The following MAST4 variants were observed in gnomAD, a reference collection of about 807,000 sequenced individuals.
MAST4 encodes microtubule associated serine/threonine kinase family member 4.
MAST4 carries 89 observed loss-of-function variants against 162.7 expected under a neutral mutation model. That is an observed-to-expected ratio of 0.55 (90% CI 0.46 to 0.65). The LOEUF (loss-of-function observed/expected upper bound fraction) is 0.65. Ranked by LOEUF, MAST4 falls within the 30% of genes least tolerant of loss-of-function variation. MAST4 has a pLI of 0.00. For missense variants in MAST4, 3,153 were observed against 3,374.0 expected, an observed-to-expected ratio of 0.93 and a Z score of 1.62; for synonymous variants, 1,479 against 1,361.1, an observed-to-expected ratio of 1.09 and a Z score of -1.91.
At chr5:67,101,262 C>T (rs983416102) in intron 8 of MAST4, among the ~76,000 whole-genome samples, 8 of 152,270 alleles carry the variant, frequency 5.3e-5, no homozygotes, top group East Asian at 3.9e-4. Flanking sequence ...CAGCCTTAGC[C>T]GACTCCATGG....
chr5:66,774,942 A>T (rs1351205403), intron 2 of MAST4, among the ~76,000 whole-genome samples: 1 of 151,694 alleles, frequency 6.6e-6, no homozygotes, highest in East Asian at 1.9e-4. Context: ...GCATGGTATG[A>T]ATGGCAAGTG....
At chr5:67,081,864 G>A (rs558075115) in intron 5 of MAST4, among the ~76,000 whole-genome samples, 48 of 152,222 alleles carry the variant, frequency 3.2e-4, no homozygotes, top group African/African-American at 7.9e-4. Context: ...TACTTGTAAT[G>A]ACATTTTAAA....
At chr5:66,836,714 G>A (rs781517598) in intron 3 of MAST4, among the ~76,000 whole-genome samples, 1 of 152,152 alleles carries the variant, frequency 6.6e-6, no homozygotes, top group Non-Finnish European at 1.5e-5. Flanking sequence ...AATACTGCAT[G>A]TTCTCACTTT....
intron 4 of MAST4, among the ~76,000 whole-genome samples, chr5:66,964,798 G>A (rs1014257642): frequency 1.3e-5 from 2 of 152,130 alleles, no homozygotes; most frequent in Non-Finnish European, 2.9e-5. Context: ...GTGAGACTCC[G>A]TCTCAAAAAA....
At chr5:67,124,840 A>G (rs1768025649) in intron 14 of MAST4, among the ~76,000 whole-genome samples, 1 of 152,248 alleles carries the variant, frequency 6.6e-6, no homozygotes, top group South Asian at 2.1e-4. Flanking sequence ...TTTTTTATAT[A>G]GTGCCACAGA....
At chr5:67,005,353 GA>G (rs1429319261) in intron 4 of MAST4, among the ~76,000 whole-genome samples, 1 of 152,156 alleles carries the variant, frequency 6.6e-6, no homozygotes, top group Non-Finnish European at 1.5e-5. Flanking sequence ...AGGTGGGGGA[GA>G]AAAAGGGAAA....
chr5:66,696,365 A>C (rs951033368), intron 1 of MAST4, among the ~76,000 whole-genome samples: 12 of 152,258 alleles, frequency 7.9e-5, no homozygotes, highest in Admixed American at 4.6e-4. Context: ...TTTAAAAAAA[A>C]AAAAATCTGT....
intron 1 of MAST4, among the ~76,000 whole-genome samples, chr5:66,700,798 T>TACACAC (rs1240400584): frequency 1.5e-5 from 2 of 136,218 alleles, no homozygotes; most frequent in African/African-American, 5.3e-5. Flanking sequence ...TATATATATA[T>TACACAC]ATACACACAC....
intron 3 of MAST4, among the ~76,000 whole-genome samples, chr5:66,851,909 G>A (rs1185835787): frequency 6.6e-6 from 1 of 152,072 alleles, no homozygotes; most frequent in Non-Finnish European, 1.5e-5. Flanking sequence ...GGTTCCTTTA[G>A]TTTGATCCCC....
intron 3 of MAST4, among the ~76,000 whole-genome samples, chr5:66,862,698 C>A (rs1760207195): frequency 6.6e-6 from 1 of 152,080 alleles, no homozygotes; most frequent in Non-Finnish European, 1.5e-5. Context: ...GACATGAGCC[C>A]AATAATTGAA....
At chr5:66,865,466 A>G (rs970277572) in intron 3 of MAST4, among the ~76,000 whole-genome samples, 1 of 152,250 alleles carries the variant, frequency 6.6e-6, no homozygotes, top group Non-Finnish European at 1.5e-5. Flanking sequence ...AAAAATGCAT[A>G]TTACAAAGAC....
intron 1 of MAST4, among the ~76,000 whole-genome samples, chr5:66,644,747 GTTTTTTT>G: frequency 7.3e-6 from 1 of 137,764 alleles, no homozygotes; most frequent in South Asian, 2.3e-4. Flanking sequence ...ATTTGAAGTA[GTTTTTTT>G]TTTTTTTTTG....
intron 1 of MAST4, among the ~76,000 whole-genome samples, chr5:66,635,493 A>G (rs1745051106): frequency 6.6e-6 from 1 of 152,226 alleles, no homozygotes; most frequent in South Asian, 2.1e-4. Flanking sequence ...TTTGAATTTC[A>G]GAAAAACAAG....
intron 1 of MAST4, among the ~76,000 whole-genome samples, chr5:66,705,636 A>G (rs1750080363): frequency 6.6e-6 from 1 of 152,330 alleles, no homozygotes; most frequent in African/African-American, 2.4e-5. Context: ...TTGTAGCCAT[A>G]TGCCTGGCAC....
Position 66,843,829 on chromosome 5 carries a change from G to A in MAST4, c.642+55035G>A, listed in dbSNP as rs535473414. Among the ~76,000 whole-genome samples, 4 of 152,134 alleles carry A rather than the reference G, an allele frequency of 2.6e-5. No individual in the cohort carries two copies. In the South Asian group the frequency reaches 6.2e-4, roughly 24 times the overall value. On this transcript the variant is annotated intron_variant, in intron 3 of 28. Transcript: ENST00000403625. ...TGATACACAGCCAGGGTATATTAGC[G>A]GCTCATACTTGGAGCACAAAGCGGT...
rs556066899 is a variant in MAST4 at position 66,600,933 on chromosome 5, C to T, written c.363+3915C>T. Among the ~76,000 whole-genome samples the T allele has an allele frequency of 9.2e-5, 14 of 152,306 alleles. No homozygotes were observed. In the South Asian group the frequency reaches 1.9e-3, roughly 20 times the overall value. ...GAGACAACCCATGTATACTCTGCTA[C>T]ACTAAGGGACTTATTTTGTTGGTAT... On this transcript the variant is annotated intron_variant, in intron 1 of 28. Coordinates refer to ENST00000403625, the MANE Select transcript of MAST4 (RefSeq NM_001164664.2).
chr5:67,025,566 T>A (rs879762114), intron 4 of MAST4, among the ~76,000 whole-genome samples: 31 of 152,250 alleles, frequency 2.0e-4, no homozygotes, highest in African/African-American at 6.5e-4. Flanking sequence ...ACACTAGTAG[T>A]GGAGTGAAAG....
chr5:67,020,751 A>G (rs567312001), intron 4 of MAST4, among the ~76,000 whole-genome samples: 1 of 152,324 alleles, frequency 6.6e-6, no homozygotes, highest in African/African-American at 2.4e-5. Context: ...ATCTTTCAGT[A>G]TGGAAAATAA....
intron 1 of MAST4, among the ~76,000 whole-genome samples, chr5:66,679,497 G>A (rs1744069219): frequency 6.6e-6 from 1 of 152,192 alleles, no homozygotes; most frequent in South Asian, 2.1e-4. Context: ...CATTTCCTGA[G>A]AAAAGAAGAT....
Sources: gnomAD v4.1 joint callset for allele counts (sites outside exome capture counted in the v4.1 genomes callset) on GRCh38, gnomAD v4.1.1 for gene constraint, MANE v1.5 for transcripts, NCBI Gene and HGNC (gene_info 2026-07-23, HGNC 2026-07-21) for gene names.